Variants in ENOX1 observed in about 807,000 individuals in gnomAD.
ENOX1 encodes the protein candidate growth-related and time keeping constitutive hydroquinone (NADH) oxidase.
A neutral mutation model predicts 82.5 loss-of-function variants in ENOX1; 42 were observed. That is an observed-to-expected ratio of 0.51 (90% CI 0.40 to 0.66). The LOEUF (loss-of-function observed/expected upper bound fraction) is 0.66. Among genes scored for constraint, ENOX1 ranks in the 30% least tolerant of loss-of-function variants. The pLI is 0.00. For synonymous variants in ENOX1, 271 were observed against 282.2 expected (o/e 0.96, Z 0.40); for missense variants, 608 against 811.6 (o/e 0.75, Z 3.05).
chr13:43,291,297 C>A (rs1297698773), intron 12 of ENOX1, among the ~76,000 whole-genome samples: 1 of 152,184 alleles, frequency 6.6e-6, no homozygotes, highest in African/African-American at 2.4e-5. Context: ...TGCATGGGGG[C>A]TTAGGCGTGC....
intron 1 of ENOX1, among the ~76,000 whole-genome samples, chr13:43,748,842 T>C (rs1283429875): frequency 6.6e-6 from 1 of 152,196 alleles, no homozygotes; most frequent in East Asian, 1.9e-4. Context: ...TTCTTTAAAG[T>C]ATTCTATAAT....
At chr13:43,365,789 T>C (rs1047890151) in intron 5 of ENOX1, among the ~76,000 whole-genome samples, 1 of 152,198 alleles carries the variant, frequency 6.6e-6, no homozygotes, top group African/African-American at 2.4e-5. Flanking sequence ...GCTTGGATGC[T>C]GAGTCTTAGA....
intron 5 of ENOX1, among the ~76,000 whole-genome samples, chr13:43,369,300 A>C (rs1306379120): frequency 6.6e-6 from 1 of 152,116 alleles, no homozygotes; most frequent in African/African-American, 2.4e-5. Context: ...AATTCTAAAA[A>C]CCCACCTTTT....
chr13:43,288,191 G>C (rs1244108797), intron 12 of ENOX1, among the ~76,000 whole-genome samples: 5 of 152,138 alleles, frequency 3.3e-5, no homozygotes, highest in African/African-American at 1.2e-4. Flanking sequence ...CCCAAATTTG[G>C]CAACTCTTGT....
At chr13:43,452,391 G>A (rs959354048) in intron 3 of ENOX1, among the ~76,000 whole-genome samples, 5 of 152,100 alleles carry the variant, frequency 3.3e-5, no homozygotes, top group Admixed American at 3.3e-4. Context: ...CTGTTCTTGT[G>A]TTAGTTCACT....
chr13:43,713,131 G>A (rs901177581), intron 1 of ENOX1, among the ~76,000 whole-genome samples: 1 of 152,134 alleles, frequency 6.6e-6, no homozygotes, highest in Non-Finnish European at 1.5e-5. Flanking sequence ...AAGGGTTGTT[G>A]AATTTTGTCA....
At chr13:43,235,963 GC>G (rs2042528900) in intron 15 of ENOX1, among the ~76,000 whole-genome samples, 1 of 152,096 alleles carries the variant, frequency 6.6e-6, no homozygotes. Context: ...GAATTTGAGG[GC>G]TTCAAAGACA....
intron 2 of ENOX1, among the ~76,000 whole-genome samples, chr13:43,616,263 TG>T (rs2082475175): frequency 7.4e-6 from 1 of 134,392 alleles, no homozygotes; most frequent in South Asian, 2.8e-4. Context: ...AGTGCAGTGG[TG>T]TGATCTCGGC....
At chr13:43,473,108 C>T (rs539556853) in intron 3 of ENOX1, among the ~76,000 whole-genome samples, 1 of 152,144 alleles carries the variant, frequency 6.6e-6, no homozygotes, top group Non-Finnish European at 1.5e-5. Context: ...AGATATTTTC[C>T]AAGCAAGTGG....
intron 1 of ENOX1, among the ~76,000 whole-genome samples, chr13:43,674,406 C>A (rs1173819581): frequency 6.6e-6 from 1 of 152,152 alleles, no homozygotes; most frequent in African/African-American, 2.4e-5. Context: ...CAAAAGGCTA[C>A]AGCAAAATCC....
chr13:43,752,462 A>G (rs2153831470), intron 1 of ENOX1, among the ~76,000 whole-genome samples: 2 of 152,316 alleles, frequency 1.3e-5, no homozygotes, highest in Middle Eastern at 6.8e-3. Context: ...GTCTAACCCA[A>G]TCTCACAAAG....
chr13:43,780,794 G>C (rs939826007), intron 1 of ENOX1, among the ~76,000 whole-genome samples: 2 of 152,256 alleles, frequency 1.3e-5, no homozygotes, highest in African/African-American at 2.4e-5. Context: ...TGGGGCTTTT[G>C]AGATGCTCAA....
intron 1 of ENOX1, among the ~76,000 whole-genome samples, chr13:43,770,380 C>T (rs1043660676): frequency 3.7e-4 from 57 of 152,170 alleles, no homozygotes; most frequent in African/African-American, 1.3e-3. Context: ...CCATTAGGAG[C>T]ATGAAAAAGA....
intron 2 of ENOX1, among the ~76,000 whole-genome samples, chr13:43,566,359 T>C (rs1270886941): frequency 6.6e-6 from 1 of 152,106 alleles, no homozygotes; most frequent in Non-Finnish European, 1.5e-5. Flanking sequence ...TATAGGTATT[T>C]TGATATTGCA....
chr13:43,771,201 TAGAC>T (rs977963201), intron 1 of ENOX1, among the ~76,000 whole-genome samples: 26 of 152,214 alleles, frequency 1.7e-4, no homozygotes, highest in African/African-American at 5.8e-4. Context: ...GGCAGAGGCA[TAGAC>T]AGAGCAATGA....
intron 16 of ENOX1, among the ~76,000 whole-genome samples, chr13:43,219,811 C>T (rs1198089975): frequency 6.6e-6 from 1 of 152,242 alleles, no homozygotes; most frequent in Non-Finnish European, 1.5e-5. Context: ...TGGCTCCATA[C>T]CCCGTATCAT....
chr13:43,620,199 G>A (rs1406105738), intron 2 of ENOX1, among the ~76,000 whole-genome samples: 2 of 151,624 alleles, frequency 1.3e-5, no homozygotes, highest in South Asian at 2.1e-4. Flanking sequence ...TCAAAGAACC[G>A]GCTTTTTTTT....
chr13:43,651,982 A>C (rs2084207633), intron 2 of ENOX1, among the ~76,000 whole-genome samples: 1 of 151,846 alleles, frequency 6.6e-6, no homozygotes, highest in Admixed American at 6.6e-5. Flanking sequence ...AAAAAAAAAA[A>C]AAAAAAAAAA....
intron 1 of ENOX1, among the ~76,000 whole-genome samples, chr13:43,690,440 G>A (rs2086294888): frequency 6.6e-6 from 1 of 152,070 alleles, no homozygotes; most frequent in South Asian, 2.1e-4. Flanking sequence ...TGAGGATGGT[G>A]ACAATGCTAC....
Sources: allele counts gnomAD v4.1 joint callset (sites outside exome capture counted in the v4.1 genomes callset), GRCh38; gene constraint gnomAD v4.1.1; transcripts MANE v1.5; gene names NCBI Gene and HGNC (gene_info 2026-07-23, HGNC 2026-07-21).